SH3BGRL: variants seen among roughly 807,000 people sequenced by gnomAD.
SH3BGRL encodes adapter SH3BGRL.
In SH3BGRL, 7 loss-of-function variants were observed where a neutral mutation model predicts 9.8. That is an observed-to-expected ratio of 0.72 (90% confidence interval 0.41 to 1.35). The LOEUF is 1.35. SH3BGRL is among the 40% of genes most tolerant of loss of function. SH3BGRL has a pLI of 0.01. For synonymous variants in SH3BGRL, 36 were observed against 29.1 expected (o/e 1.24, Z -0.76); for missense variants, 73 against 84.4 (o/e 0.86, Z 0.53).
At chrX:81,282,461 G>C (rs1435412054) in intron 3 of SH3BGRL, among the ~76,000 whole-genome samples, 2 of 111,772 alleles carry the variant, frequency 1.8e-5, no homozygotes, top group East Asian at 2.8e-4. Flanking sequence ...TAAGAAAATT[G>C]ATATTATATC....
At chrX:81,284,247 A>G (rs1305576319) in intron 3 of SH3BGRL, among the ~76,000 whole-genome samples, 2 of 111,368 alleles carry the variant, frequency 1.8e-5, no homozygotes, top group African/African-American at 6.5e-5. Context: ...GCCAAAAGCA[A>G]TCTACAAATT....
At chrX:81,260,286 A>G (rs1569365283) in intron 1 of SH3BGRL, among the ~76,000 whole-genome samples, 1 of 111,235 alleles carries the variant, frequency 9.0e-6, no homozygotes, top group East Asian at 2.8e-4. Flanking sequence ...CTGACAGAGC[A>G]TGGGTAACTG....
At chrX:81,217,481 A>G (rs777196252) in intron 1 of SH3BGRL, among the ~76,000 whole-genome samples, 1 of 111,263 alleles carries the variant, frequency 9.0e-6, no homozygotes, top group South Asian at 3.7e-4. Context: ...GAATTTTCTA[A>G]ATTTCCATCT....
intron 1 of SH3BGRL, among the ~76,000 whole-genome samples, chrX:81,249,908 T>A (rs1602610939): frequency 9.0e-6 from 1 of 111,137 alleles, no homozygotes; most frequent in African/African-American, 3.3e-5. Context: ...GTATGGTAGT[T>A]ACATGATGCT....
At chrX:81,274,211 T>C (rs1017782301) in intron 1 of SH3BGRL, among the ~76,000 whole-genome samples, 5 of 111,770 alleles carry the variant, frequency 4.5e-5, no homozygotes, top group African/African-American at 1.6e-4. Context: ...ATGCATTCAC[T>C]GTGTCCCCTT....
At chrX:81,241,703 C>G (rs1357214481) in intron 1 of SH3BGRL, among the ~76,000 whole-genome samples, 1 of 111,875 alleles carries the variant, frequency 8.9e-6, no homozygotes, top group Non-Finnish European at 1.9e-5. Flanking sequence ...CCTTTGGGGA[C>G]CCCAGACTTA....
At chrX:81,266,025 C>T (rs2075756043) in intron 1 of SH3BGRL, among the ~76,000 whole-genome samples, 1 of 111,890 alleles carries the variant, frequency 8.9e-6, no homozygotes, top group African/African-American at 3.3e-5. Context: ...ATATCCTTTG[C>T]CCATTTTTTT....
intron 3 of SH3BGRL, among the ~76,000 whole-genome samples, chrX:81,285,546 G>A (rs1231907548): frequency 9.0e-6 from 1 of 111,698 alleles, no homozygotes; most frequent in Non-Finnish European, 1.9e-5. Context: ...AATGTGAATA[G>A]AAGTGTTAAT....
chrX:81,242,060 T>G (rs2075671918), intron 1 of SH3BGRL, among the ~76,000 whole-genome samples: 1 of 111,900 alleles, frequency 8.9e-6, no homozygotes, highest in Non-Finnish European at 1.9e-5. Flanking sequence ...CTGAACCGAG[T>G]GGGCGGAATA....
intron 1 of SH3BGRL, among the ~76,000 whole-genome samples, chrX:81,262,135 GAA>G (rs2075743205): frequency 9.0e-6 from 1 of 111,207 alleles, no homozygotes; most frequent in Non-Finnish European, 1.9e-5. Flanking sequence ...AGAAACTCTA[GAA>G]AGTATGGTCA....
intron 1 of SH3BGRL, among the ~76,000 whole-genome samples, chrX:81,229,446 G>A (rs1333377511): frequency 1.8e-5 from 2 of 111,920 alleles, no homozygotes; most frequent in African/African-American, 6.5e-5. Context: ...TCTTGCCTTG[G>A]TGTACCAGAA....
chrX:81,213,459 G>A (rs1293387774), intron 1 of SH3BGRL, among the ~76,000 whole-genome samples: 3 of 112,254 alleles, frequency 2.7e-5, no homozygotes, highest in Non-Finnish European at 3.8e-5. Flanking sequence ...ATGGCATGTT[G>A]CACATAATAG....
At chrX:81,287,956 G>GGAAAGAAA (rs368182440) in intron 3 of SH3BGRL, among the ~76,000 whole-genome samples, 38 of 86,759 alleles carry the variant, frequency 4.4e-4, no homozygotes, top group Admixed American at 3.7e-3. Context: ...AAGGAAGGAA[G>GGAAAGAAA]GAAAGAAAGA....
intron 3 of SH3BGRL, among the ~76,000 whole-genome samples, chrX:81,284,901 A>G (rs1326538735): frequency 1.8e-5 from 2 of 111,215 alleles, no homozygotes; most frequent in Non-Finnish European, 3.8e-5. Context: ...CTTGGTTACC[A>G]TGTTTCTTCC....
chrX:81,215,754 A>C (rs1416654968), intron 1 of SH3BGRL, among the ~76,000 whole-genome samples: 1 of 111,632 alleles, frequency 9.0e-6, no homozygotes, highest in Non-Finnish European at 1.9e-5. Flanking sequence ...CTGAAAAGTG[A>C]TAAGTTATTA....
chrX:81,286,883 A>G (rs772424907), intron 3 of SH3BGRL, among the ~76,000 whole-genome samples: 8 of 111,616 alleles, frequency 7.2e-5, no homozygotes, highest in Non-Finnish European at 1.5e-4. Context: ...TAAGGAGTTC[A>G]GATAAATTCA....
chrX:81,209,643 A>T (rs1054511403), intron 1 of SH3BGRL, among the ~76,000 whole-genome samples: 2 of 111,456 alleles, frequency 1.8e-5, no homozygotes, highest in African/African-American at 6.5e-5. Flanking sequence ...TGTCAATACT[A>T]CATAAAAATC....
In SH3BGRL at chrX:81,236,900, GGAGA is replaced by G. The variant is rs3051997; in HGVS notation, c.45+34682_45+34685del. Among the ~76,000 whole-genome samples, 801 of 97,320 alleles carry G rather than the reference GGAGA, an allele frequency of 8.2e-3. 3 individuals carry two copies. Among genetic ancestry groups the G allele is most frequent in the South Asian group, 0.014 (27 of 1,966 alleles). 84.5% of individuals were successfully genotyped at this position (97,320 alleles called of 115,157 possible). A position where few individuals can be genotyped will look rare whatever the true frequency, so the allele number is the denominator to read the frequency against. ...GACGGAGGGAGAGAGAGAGGCTGAG[GGAGA>G]GAGAGAGAGAGAGAGAGAGAGAGAG... On this transcript the variant is annotated intron_variant, in intron 1 of 3. Transcript: ENST00000373212.
chrX:81,211,459 C>T (rs1164835509), intron 1 of SH3BGRL, among the ~76,000 whole-genome samples: 1 of 110,756 alleles, frequency 9.0e-6, no homozygotes, highest in Non-Finnish European at 1.9e-5. Context: ...TGGTGGCGGG[C>T]GCCTGTAGTC....
Sources: allele counts gnomAD v4.1 joint callset (sites outside exome capture counted in the v4.1 genomes callset), GRCh38; gene constraint gnomAD v4.1.1; transcripts MANE v1.5; gene names NCBI Gene and HGNC (gene_info 2026-07-23, HGNC 2026-07-21).